The following CACNG4 variants were observed in gnomAD, a reference collection of about 807,000 sequenced individuals.
The protein encoded by CACNG4 is calcium voltage-gated channel auxiliary subunit gamma 4, also known as voltage-dependent calcium channel gamma-4 subunit.
In CACNG4, 8 loss-of-function variants were observed where a neutral mutation model predicts 22.9. The ratio of observed to expected loss-of-function variants is 0.35; its 90% confidence interval spans 0.21 to 0.63. The LOEUF is 0.63. Among genes scored for constraint, CACNG4 ranks in the 30% least tolerant of loss-of-function variants. The pLI is 0.72. For synonymous variants in CACNG4, 188 were observed against 191.9 expected (o/e 0.98, Z 0.17); for missense variants, 357 against 455.4 (o/e 0.78, Z 1.97).
Position 67,031,198 on chromosome 17 carries a change from G to A in CACNG4, c.*194G>A. ...GACCGGACCCGGGGCTGCAGAAGAAGCTGAAGGCTGACTTTGTCCCCTCCC... is the reference window on the plus strand; with the variant it reads ...GACCGGACCCGGGGCTGCAGAAGAAACTGAAGGCTGACTTTGTCCCCTCCC... On this transcript the variant is annotated 3_prime_UTR_variant, in exon 4 of 4. Coordinates refer to ENST00000262138, the MANE Select transcript of CACNG4 (RefSeq NM_014405.4). The surrounding 1 kb of genome is among the most constrained non-coding windows in gnomAD (Gnocchi z 4.0). 3.1e-6 allele frequency: 2 copies of A among 651,344 alleles called. No homozygotes were observed. Among genetic ancestry groups the A allele is most frequent in the Middle Eastern group, 8.4e-4 (2 of 2,390 alleles). 40.3% of individuals were successfully genotyped at this position (651,344 alleles called of 1,614,324 possible). A position where few individuals can be genotyped will look rare whatever the true frequency, so the allele number is the denominator to read the frequency against.
At chr17:66,973,423 T>A (rs1245056721) in intron 1 of CACNG4, among the ~76,000 whole-genome samples, 1 of 152,196 alleles carries the variant, frequency 6.6e-6, no homozygotes, top group Non-Finnish European at 1.5e-5. Flanking sequence ...CCAGTTCTTA[T>A]GCTGTGCAAG....
chr17:67,008,727 C>A (rs1292907665), intron 1 of CACNG4, among the ~76,000 whole-genome samples: 1 of 152,130 alleles, frequency 6.6e-6, no homozygotes. Flanking sequence ...GTGGGTGGAT[C>A]ATTTGAGGTC....
chr17:67,020,630 T>A (rs2035526321), intron 2 of CACNG4, among the ~76,000 whole-genome samples: 1 of 152,174 alleles, frequency 6.6e-6, no homozygotes, highest in African/African-American at 2.4e-5. Context: ...AAAACCAAGC[T>A]CTGCATGTGT....
At chr17:66,972,840 T>TG (rs1049884190) in intron 1 of CACNG4, among the ~76,000 whole-genome samples, 2 of 151,958 alleles carry the variant, frequency 1.3e-5, no homozygotes, top group African/African-American at 2.4e-5. Context: ...GCAGGAGAAT[T>TG]GCTTGAATGT....
chr17:66,979,833 T>G (rs994817838), intron 1 of CACNG4, among the ~76,000 whole-genome samples: 2 of 131,788 alleles, frequency 1.5e-5, no homozygotes, highest in African/African-American at 2.9e-5. Context: ...CACTGCAACC[T>G]CTACCTCCTG....
intron 1 of CACNG4, among the ~76,000 whole-genome samples, chr17:66,974,200 C>T (rs543993676): frequency 3.3e-5 from 5 of 152,128 alleles, no homozygotes; most frequent in African/African-American, 7.2e-5. Context: ...AGCTGGGGGC[C>T]GAGGCAGGCC....
At chr17:67,022,445 C>T (rs1383258516) in intron 2 of CACNG4, among the ~76,000 whole-genome samples, 1 of 152,188 alleles carries the variant, frequency 6.6e-6, no homozygotes, top group Non-Finnish European at 1.5e-5. Context: ...CTCAGAGGCA[C>T]ATTTCAGAAA....
chr17:66,988,539 C>G (rs1400592781), intron 1 of CACNG4, among the ~76,000 whole-genome samples: 1 of 152,182 alleles, frequency 6.6e-6, no homozygotes, highest in East Asian at 1.9e-4. Context: ...CCGCCCATCC[C>G]CATCACTTGC....
intron 1 of CACNG4, among the ~76,000 whole-genome samples, chr17:66,990,972 G>A (rs947623862): frequency 6.6e-6 from 1 of 152,104 alleles, no homozygotes; most frequent in African/African-American, 2.4e-5. Flanking sequence ...AAGCCACCGC[G>A]CCCGGCCTAA....
chr17:67,030,536 C>A lies in CACNG4; in HGVS notation c.516C>A (p.Asp172Glu). ...SNTGDPSDKR[D>E]EDKKNHYNYG... is the part of the protein sequence containing the mutation. Reference sequence around the variant, plus strand: ...CAGGTGACCCGAGTGACAAGCGGGACGAAGACAAAAAGAACCATTACAACT... The same window carrying A: ...CAGGTGACCCGAGTGACAAGCGGGAAGAAGACAAAAAGAACCATTACAACT... The change falls in exon 4 of 4, where the codon GAC becomes GAA. Residue 172 changes from aspartate (D) to glutamate (E), a missense_variant. Asp to Glu is a conservative substitution (Grantham distance 45). Around this residue, in one of 3 missense-constraint regions of CACNG4, gnomAD observed 240 missense variants for 277.6 expected, o/e 0.86. Coordinates refer to ENST00000262138, the MANE Select transcript of CACNG4 (RefSeq NM_014405.4). The surrounding 1 kb of genome is among the most constrained non-coding windows in gnomAD (Gnocchi z 6.4). 6.2e-7 allele frequency: 1 copy of A among 1,614,130 alleles called. No individual in the cohort carries two copies. Among genetic ancestry groups the A allele is most frequent in the Non-Finnish European group, 8.5e-7 (1 of 1,180,046 alleles).
intron 1 of CACNG4, among the ~76,000 whole-genome samples, chr17:67,014,636 C>A (rs905005432): frequency 1.3e-5 from 2 of 150,200 alleles, no homozygotes; most frequent in African/African-American, 2.5e-5. Flanking sequence ...GCACTTGAAA[C>A]CGCCAGTAAA....
intron 1 of CACNG4, among the ~76,000 whole-genome samples, chr17:66,982,295 G>A (rs1333329092): frequency 2.0e-5 from 3 of 152,138 alleles, no homozygotes; most frequent in Non-Finnish European, 4.4e-5. Context: ...CCATTTTACA[G>A]TGTTGATTGG....
At chr17:67,005,149 A>G (rs1683502739) in intron 1 of CACNG4, among the ~76,000 whole-genome samples, 1 of 152,208 alleles carries the variant, frequency 6.6e-6, no homozygotes, top group South Asian at 2.1e-4. Context: ...CCACTCAAGA[A>G]CACCATTTTA....
chr17:66,980,620 C>CTTTTTTTTT lies in CACNG4; in HGVS notation c.220+15501_220+15509dup, dbSNP rs67051865. Among the ~76,000 whole-genome samples, 554 of 106,946 alleles carry CTTTTTTTTT rather than the reference C, an allele frequency of 5.2e-3. 28 individuals are homozygous for CTTTTTTTTT. Among genetic ancestry groups the CTTTTTTTTT allele is most frequent in the African/African-American group, 0.015 (373 of 25,108 alleles). The allele number at this position is 106,946 out of a possible 152,430, so 70.2% of individuals were successfully genotyped here. ...ATTGACAATTCCCTTTGTGTAAATT[C>CTTTTTTTTT]TTTTTTTTTTTTTTTTTTTTGAGAC... On this transcript the variant is annotated intron_variant, in intron 1 of 3. Coordinates refer to ENST00000262138, the MANE Select transcript of CACNG4 (RefSeq NM_014405.4).
chr17:66,981,567 G>A (rs868742532), intron 1 of CACNG4, among the ~76,000 whole-genome samples: 2 of 152,294 alleles, frequency 1.3e-5, no homozygotes, highest in Middle Eastern at 3.4e-3. Flanking sequence ...CAGGGTTGGG[G>A]GTGCTGGGGC....
chr17:66,993,244 T>G (rs998152746), intron 1 of CACNG4, among the ~76,000 whole-genome samples: 7 of 152,246 alleles, frequency 4.6e-5, no homozygotes, highest in Non-Finnish European at 1.0e-4. Flanking sequence ...TTTCCATCAT[T>G]TATTAATGAG....
chr17:66,996,526 C>A (rs528969060), intron 1 of CACNG4, among the ~76,000 whole-genome samples: 1 of 152,050 alleles, frequency 6.6e-6, no homozygotes, highest in East Asian at 1.9e-4. Context: ...ACTACAGGGG[C>A]ACGCCATGAC....
chr17:67,030,686 T>G lies in CACNG4; in HGVS notation c.666T>G (p.Leu222=). Residue 222 remains leucine (L), a synonymous_variant, in exon 4 of 4, where the codon CTT becomes CTG. Transcript: ENST00000262138. The surrounding 1 kb of genome is among the most constrained non-coding windows in gnomAD (Gnocchi z 6.4). ...GGTTTAAGACCAAACGGGAATTCCT[T>G]AAGGCGTCTTCCTCTTCTCCTTATG... The part of the protein sequence containing the change: ...ELRFKTKREF[L]KASSSSPYAR... 6.2e-7 allele frequency: 1 copy of G among 1,614,184 alleles called. No homozygotes were observed. The highest frequency in any genetic ancestry group is 8.5e-7 in the Non-Finnish European group (1 of 1,180,022).
chr17:67,017,762 C>T (rs1322241794), intron 1 of CACNG4, among the ~76,000 whole-genome samples: 2 of 152,084 alleles, frequency 1.3e-5, no homozygotes, highest in Admixed American at 6.5e-5. Flanking sequence ...CTGATCCACC[C>T]ACCTCGGCCT....
Sources: allele counts gnomAD v4.1 joint callset (sites outside exome capture counted in the v4.1 genomes callset), GRCh38; gene constraint gnomAD v4.1.1; regional missense constraint gnomAD v4.1.1; non-coding constraint Gnocchi (gnomAD v3.1); transcripts MANE v1.5; gene names NCBI Gene and HGNC (gene_info 2026-07-23, HGNC 2026-07-21).